DCUN1D1: variants seen among roughly 807,000 people sequenced by gnomAD.
DCUN1D1 encodes the protein defective in cullin neddylation 1 domain containing 1.
A neutral mutation model predicts 39.0 loss-of-function variants in DCUN1D1; 3 were observed. The observed-to-expected ratio is 0.08, with a 90% CI of 0.04 to 0.20. The LOEUF is 0.20. Among genes scored for constraint, DCUN1D1 ranks in the 10% least tolerant of loss-of-function variants. The pLI, the probability that DCUN1D1 is intolerant of heterozygous loss-of-function variation, is 1.00. For missense variants in DCUN1D1, 158 were observed against 302.4 expected, an observed-to-expected ratio of 0.52 and a Z score of 3.54; for synonymous variants, 82 against 96.3, an observed-to-expected ratio of 0.85 and a Z score of 0.87.
intron 4 of DCUN1D1, among the ~76,000 whole-genome samples, chr3:182,952,922 T>C (rs775181980): frequency 6.6e-6 from 1 of 152,208 alleles, no homozygotes; most frequent in Non-Finnish European, 1.5e-5. Context: ...CCACAGTGCT[T>C]TGAGATCGAC....
intron 1 of DCUN1D1, among the ~76,000 whole-genome samples, chr3:182,978,400 T>G (rs923180930): frequency 6.6e-6 from 1 of 152,200 alleles, no homozygotes; most frequent in African/African-American, 2.4e-5. Flanking sequence ...ATTATTTTTT[T>G]TAAGAGACAA....
intron 1 of DCUN1D1, among the ~76,000 whole-genome samples, chr3:182,972,470 T>G (rs901735604): frequency 2.6e-5 from 4 of 152,196 alleles, no homozygotes; most frequent in Non-Finnish European, 5.9e-5. Context: ...ACTCTTGAAA[T>G]TAACTCCTTT....
chr3:182,945,420 G>C (rs1314935045), intron 6 of DCUN1D1, among the ~76,000 whole-genome samples: 1 of 152,052 alleles, frequency 6.6e-6, no homozygotes, highest in Admixed American at 6.6e-5. Flanking sequence ...AAAGTAACTT[G>C]TCTGGCAACT....
chr3:182,981,514 G>A (rs1013874343), upstream of DCUN1D1, among the ~76,000 whole-genome samples: 15 of 152,278 alleles, frequency 9.9e-5, no homozygotes, highest in African/African-American at 3.6e-4. Flanking sequence ...CTTCAGAAAT[G>A]TAGTATCCAG....
chr3:182,951,474 A>G (rs1726732789), intron 4 of DCUN1D1, among the ~76,000 whole-genome samples: 1 of 151,568 alleles, frequency 6.6e-6, no homozygotes, highest in African/African-American at 2.4e-5. Flanking sequence ...AAACCAGCCG[A>G]GCATGGTTGT....
chr3:182,956,744 T>C (rs1037953932), intron 4 of DCUN1D1, among the ~76,000 whole-genome samples: 7 of 152,232 alleles, frequency 4.6e-5, no homozygotes, highest in East Asian at 1.9e-4. Flanking sequence ...AAGTGACTCA[T>C]AGACTTTAGT....
rs1726126717 is a variant in DCUN1D1, at chr3:182,941,350, CATG to C, written c.*3741_*3743del. On this transcript the variant is annotated 3_prime_UTR_variant, in exon 7 of 7. Coordinates refer to ENST00000292782, the MANE Select transcript of DCUN1D1 (RefSeq NM_020640.4). Reference sequence around the variant, plus strand: ...CCTCAGAAATCAAAGATAAAGGTGTCATGATAAATAACTTCACCACAGTCCTAT... The same window carrying C: ...CCTCAGAAATCAAAGATAAAGGTGTCATAAATAACTTCACCACAGTCCTAT... 1 of 151,882 alleles carries C rather than the reference CATG, an allele frequency of 6.6e-6. No homozygotes were observed. The highest frequency in any genetic ancestry group is 2.4e-5 in the African/African-American group (1 of 41,378). 9.4% of individuals were successfully genotyped at this position (151,882 alleles called of 1,614,324 possible). A position where few individuals can be genotyped will look rare whatever the true frequency, so the allele number is the denominator to read the frequency against.
chr3:182,957,411 G>A (rs1727129943), intron 4 of DCUN1D1, among the ~76,000 whole-genome samples: 1 of 152,200 alleles, frequency 6.6e-6, no homozygotes, highest in Admixed American at 6.5e-5. Context: ...GTGATCACTT[G>A]AGGCCAGGAG....
upstream of DCUN1D1, among the ~76,000 whole-genome samples, chr3:182,982,102 G>A (rs774787122): frequency 3.3e-5 from 5 of 152,154 alleles, no homozygotes; most frequent in Non-Finnish European, 5.9e-5. Flanking sequence ...ATAATCGTTT[G>A]TGGGTTTTCC....
intron 4 of DCUN1D1, among the ~76,000 whole-genome samples, chr3:182,949,040 C>T (rs1726566537): frequency 6.8e-6 from 1 of 146,554 alleles, no homozygotes; most frequent in East Asian, 2.0e-4. Context: ...AAAAGCAAAA[C>T]TCCGTCTCAA....
At chr3:182,953,418 G>T (rs1022818459) in intron 4 of DCUN1D1, among the ~76,000 whole-genome samples, 1 of 152,178 alleles carries the variant, frequency 6.6e-6, no homozygotes, top group African/African-American at 2.4e-5. Context: ...CTAGCGAGAG[G>T]TGATTTAACA....
intron 1 of DCUN1D1, among the ~76,000 whole-genome samples, chr3:182,974,507 T>A: frequency 6.6e-6 from 1 of 150,682 alleles, no homozygotes; most frequent in Non-Finnish European, 1.5e-5. Flanking sequence ...AATGAAAAAT[T>A]AAATGAGATT....
At chr3:182,947,700 A>C in intron 4 of DCUN1D1, 68 bp from the exon 5 acceptor site, 2 of 912,868 alleles carry the variant, frequency 2.2e-6, no homozygotes, top group East Asian at 2.6e-5. Flanking sequence ...AATAACAAAC[A>C]AACAAAAAAA....
At chr3:182,976,511 CTG>C (rs1413017572) in intron 1 of DCUN1D1, among the ~76,000 whole-genome samples, 1 of 151,796 alleles carries the variant, frequency 6.6e-6, no homozygotes, top group East Asian at 1.9e-4. Context: ...ATTGGTCTCA[CTG>C]TTCCTCAAGA....
intron 4 of DCUN1D1, among the ~76,000 whole-genome samples, chr3:182,951,347 A>G (rs1283248354): frequency 3.3e-5 from 5 of 152,140 alleles, no homozygotes; most frequent in African/African-American, 1.2e-4. Context: ...ACCATGTGGC[A>G]CCTATAAATG....
intron 5 of DCUN1D1, 50 bp from the exon 6 acceptor site, chr3:182,947,384 C>T (rs751980973): frequency 7.5e-7 from 1 of 1,336,022 alleles, no homozygotes; most frequent in South Asian, 1.3e-5. Context: ...AAAAGAGCTG[C>T]ACAAAAACAG....
rs1726057863 is a variant in DCUN1D1, at chr3:182,939,794, T to A, written c.*5300A>T. On this transcript the variant is annotated 3_prime_UTR_variant, in exon 7 of 7. Transcript: ENST00000292782. ...AACTCTTAAGTTTACTAAAAACAATTAATTGTACATGTACAATGGGTGAAT... is the reference window on the plus strand; with the variant it reads ...AACTCTTAAGTTTACTAAAAACAATAAATTGTACATGTACAATGGGTGAAT... 1.3e-5 allele frequency: 2 copies of A among 152,244 alleles called. No individual in the cohort carries two copies. The highest frequency in any genetic ancestry group is 4.2e-4 in the South Asian group (2 of 4,812). 9.4% of individuals were successfully genotyped at this position (152,244 alleles called of 1,614,324 possible). A position where few individuals can be genotyped will look rare whatever the true frequency, so the allele number is the denominator to read the frequency against.
chr3:182,983,856 C>T (rs1335530065), upstream of DCUN1D1, among the ~76,000 whole-genome samples: 1 of 152,206 alleles, frequency 6.6e-6, no homozygotes, highest in African/African-American at 2.4e-5. Context: ...AGACCATCTT[C>T]TCTATGATTG....
chr3:182,945,274 G>T, intron 6 of DCUN1D1, 101 bp from the exon 7 acceptor site: 1 of 881,792 alleles, frequency 1.1e-6, no homozygotes, highest in Non-Finnish European at 1.7e-6. Context: ...CCTCATAAGC[G>T]TTAAAGTATA....
Sources: gnomAD v4.1 joint callset for allele counts (sites outside exome capture counted in the v4.1 genomes callset) on GRCh38, gnomAD v4.1.1 for gene constraint, MANE v1.5 for transcripts, NCBI Gene and HGNC (gene_info 2026-07-23, HGNC 2026-07-21) for gene names.